Variants in SND1 observed in about 807,000 individuals in gnomAD.
SND1 encodes staphylococcal nuclease domain-containing protein 1.
SND1 carries 38 observed loss-of-function variants against 121.7 expected under a neutral mutation model. The ratio of observed to expected loss-of-function variants is 0.31; its 90% CI spans 0.24 to 0.41. SND1 has a LOEUF of 0.41. Ranked by LOEUF, SND1 falls within the 10% of genes least tolerant of loss-of-function variation. The probability of loss-of-function intolerance (pLI) is 1.00; values close to 1 mark genes in which losing one functional copy is unlikely to be tolerated. For missense variants in SND1, 868 were observed against 1,184.6 expected (o/e 0.73, Z 3.92); for synonymous variants, 401 against 447.4 (o/e 0.90, Z 1.31).
intron 14 of SND1, among the ~76,000 whole-genome samples, chr7:127,919,807 A>G (rs1800660048): frequency 6.6e-6 from 1 of 152,202 alleles, no homozygotes; most frequent in African/African-American, 2.4e-5. Flanking sequence ...TTACCAGTTC[A>G]AAATAGAAAT....
chr7:127,990,427 T>C (rs1202447830), intron 15 of SND1, among the ~76,000 whole-genome samples: 1 of 151,890 alleles, frequency 6.6e-6, no homozygotes, highest in East Asian at 1.9e-4. Flanking sequence ...ACACCCAGAG[T>C]TGAGAGGGGA....
chr7:127,675,898 T>A (rs1055867722), intron 1 of SND1, among the ~76,000 whole-genome samples: 8 of 152,166 alleles, frequency 5.3e-5, no homozygotes, highest in Non-Finnish European at 1.0e-4. Context: ...ATCTCCCAGG[T>A]CCTTGGCAAC....
intron 12 of SND1, among the ~76,000 whole-genome samples, chr7:127,862,025 A>T (rs1799389345): frequency 6.6e-6 from 1 of 152,214 alleles, no homozygotes; most frequent in Non-Finnish European, 1.5e-5. Flanking sequence ...ATTAGAAGGT[A>T]ATCCCCACAT....
chr7:127,878,031 A>G (rs978665288), intron 12 of SND1, among the ~76,000 whole-genome samples: 6 of 151,950 alleles, frequency 3.9e-5, no homozygotes, highest in Non-Finnish European at 7.4e-5. Context: ...TCTTTCATGC[A>G]GCATTTCTAC....
Position 127,925,269 on chromosome 7 carries a change from G to A in SND1, c.1528-3919G>A, listed in dbSNP as rs936374679. ...TACCAGTGCAACAACAACAAAAAAA[G>A]ACTTCTCTTGTCAGAAATCCAGTTG... On this transcript the variant is annotated intron_variant, in intron 14 of 23. Coordinates refer to ENST00000354725, the MANE Select transcript of SND1 (RefSeq NM_014390.4). Among the ~76,000 whole-genome samples, 4 of 152,328 alleles carry A rather than the reference G, an allele frequency of 2.6e-5. No individual in the cohort carries two copies. The Middle Eastern group carries it at 0.01, about 389-fold the overall frequency.
At chr7:127,658,811 G>A (rs1437027535) in intron 1 of SND1, among the ~76,000 whole-genome samples, 1 of 152,232 alleles carries the variant, frequency 6.6e-6, no homozygotes, top group Non-Finnish European at 1.5e-5. Context: ...GAAATTTGGG[G>A]AGCAAGTGAA....
intron 16 of SND1, among the ~76,000 whole-genome samples, chr7:128,047,839 A>G (rs1318730132): frequency 6.6e-6 from 1 of 151,880 alleles, no homozygotes; most frequent in East Asian, 1.9e-4. Context: ...CTTATTGTTT[A>G]TGAACCTGCA....
At chr7:127,922,263 G>A (rs1195124845) in intron 14 of SND1, among the ~76,000 whole-genome samples, 1 of 133,836 alleles carries the variant, frequency 7.5e-6, no homozygotes, top group Non-Finnish European at 1.5e-5. Context: ...CCGGGCTCAA[G>A]CAATGTTTTT....
chr7:127,852,064 G>A (rs1331372290), intron 12 of SND1, among the ~76,000 whole-genome samples: 1 of 152,030 alleles, frequency 6.6e-6, no homozygotes, highest in African/African-American at 2.4e-5. Flanking sequence ...GAAGGCTGAG[G>A]CATGAGAATC....
intron 10 of SND1, among the ~76,000 whole-genome samples, chr7:127,769,557 C>T (rs926636367): frequency 7.2e-5 from 11 of 152,042 alleles, no homozygotes; most frequent in African/African-American, 2.4e-4. Flanking sequence ...CTCTCTGTTA[C>T]TTATGTTTTG....
chr7:127,773,229 G>A (rs547082238), intron 10 of SND1, among the ~76,000 whole-genome samples: 11 of 152,260 alleles, frequency 7.2e-5, no homozygotes, highest in Admixed American at 5.2e-4. Context: ...CGAGGCGGGC[G>A]GATCACGAGG....
chr7:127,755,872 T>C (rs1313188082), intron 10 of SND1, among the ~76,000 whole-genome samples: 1 of 152,268 alleles, frequency 6.6e-6, no homozygotes, highest in African/African-American at 2.4e-5. Context: ...CAGTGCTATA[T>C]GAATGTAGGA....
chr7:127,765,303 A>G (rs971680070), intron 10 of SND1, among the ~76,000 whole-genome samples: 4 of 152,224 alleles, frequency 2.6e-5, no homozygotes, highest in African/African-American at 9.6e-5. Flanking sequence ...ATTTAAAAAA[A>G]ATGAACCTGG....
intron 6 of SND1, among the ~76,000 whole-genome samples, chr7:127,702,887 G>A (rs1196495340): frequency 6.6e-6 from 1 of 152,094 alleles, no homozygotes; most frequent in African/African-American, 2.4e-5. Context: ...GCTGAGCACT[G>A]GCAAGTCTTT....
chr7:127,849,332 C>T (rs1388435066), intron 12 of SND1, among the ~76,000 whole-genome samples: 1 of 152,232 alleles, frequency 6.6e-6, no homozygotes, highest in Non-Finnish European at 1.5e-5. Flanking sequence ...CTGTGCTGGA[C>T]TTCCCAATTA....
chr7:127,977,672 A>G (rs1584710640), intron 15 of SND1, among the ~76,000 whole-genome samples: 1 of 152,212 alleles, frequency 6.6e-6, no homozygotes, highest in East Asian at 1.9e-4. Flanking sequence ...AGTGTGTATA[A>G]AGAATAAGTA....
chr7:127,727,094 C>T (rs1239075889), intron 10 of SND1, among the ~76,000 whole-genome samples: 7 of 152,184 alleles, frequency 4.6e-5, no homozygotes, highest in Non-Finnish European at 7.4e-5. Flanking sequence ...TTATTTACCA[C>T]ATAAAGGTTT....
chr7:127,797,219 C>T lies in SND1; in HGVS notation c.1153-10265C>T, dbSNP rs144263295. The stretch of plus-strand genomic sequence containing the variant: ...ATTTTGCTGATTCTTAAGAGGAAAC[C>T]GAGGCAAGCCACCAAGTAGGAGGCC... On this transcript the variant is annotated intron_variant, in intron 10 of 23. Transcript: ENST00000354725. Among the ~76,000 whole-genome samples the T allele has an allele frequency of 8.1e-4, 124 of 152,176 alleles. No individual in the cohort carries two copies. In the East Asian group the frequency reaches 0.015, roughly 18 times the overall value.
At chr7:128,004,753 G>T (rs976694961) in intron 16 of SND1, among the ~76,000 whole-genome samples, 1 of 152,194 alleles carries the variant, frequency 6.6e-6, no homozygotes. Flanking sequence ...TCATAACCGT[G>T]TGTCTTATTT....
Sources: gnomAD v4.1 joint callset for allele counts (sites outside exome capture counted in the v4.1 genomes callset) on GRCh38, gnomAD v4.1.1 for gene constraint, MANE v1.5 for transcripts, NCBI Gene and HGNC (gene_info 2026-07-23, HGNC 2026-07-21) for gene names.